The following AGBL5 variants were observed in gnomAD, a reference collection of about 807,000 sequenced individuals.
AGBL5 encodes the protein AGBL carboxypeptidase 5.
In AGBL5, 51 loss-of-function variants were observed where a neutral mutation model predicts 88.0. That is an observed-to-expected ratio of 0.58 (90% confidence interval 0.46 to 0.73). The LOEUF (loss-of-function observed/expected upper bound fraction) is 0.73, where lower values mean the gene tolerates loss of function less well. Ranked by LOEUF, AGBL5 falls within the 30% of genes least tolerant of loss-of-function variation. AGBL5 has a pLI of 0.00. For missense variants in AGBL5, 1,031 were observed against 1,162.2 expected, an observed-to-expected ratio of 0.89 and a Z score of 1.64; for synonymous variants, 446 against 438.8, an observed-to-expected ratio of 1.02 and a Z score of -0.21.
chr2:27,056,249 C>G (rs1668428700), intron 7 of AGBL5, 111 bp downstream of exon 7: 2 of 1,154,124 alleles, frequency 1.7e-6, no homozygotes, highest in Non-Finnish European at 2.4e-6. Context: ...GGAAGGAAGG[C>G]CTGTGTAGAC....
At chr2:27,058,664 G>C in intron 10 of AGBL5, 62 bp downstream of exon 10, 1 of 1,550,570 alleles carries the variant, frequency 6.4e-7, no homozygotes, top group South Asian at 1.1e-5. Flanking sequence ...CTAGAGCTAG[G>C]AGTTCCAAGG....
In AGBL5 at chr2:27,070,153, A is replaced by T. The variant is rs751700272; in HGVS notation, c.2551A>T (p.Ser851Cys). The change falls in exon 15 of 15, where the codon AGT becomes TGT. Residue 851 changes from serine (S) to cysteine (C), a missense_variant. Physicochemically the swap from Ser to Cys is moderately radical, Grantham distance 112 (BLOSUM62 -1). Transcript: ENST00000360131. ...SAPAFSPISC[S>C]LSDSPSWNCY... Reference sequence around the variant, plus strand: ...CCCTGCCTTTTCTCCTATATCCTGTAGTCTATCTGACTCCCCATCCTGGAA... The same window carrying T: ...CCCTGCCTTTTCTCCTATATCCTGTTGTCTATCTGACTCCCCATCCTGGAA... 8 of 1,613,940 alleles carry T rather than the reference A, an allele frequency of 5.0e-6. No homozygotes were observed. The highest frequency in any genetic ancestry group is 6.8e-6 in the Non-Finnish European group (8 of 1,180,012).
rs1275430287 is a variant in AGBL5, at chr2:27,067,630, T to C, written c.2226T>C (p.Asp742=). Residue 742 remains aspartate, a synonymous_variant, in exon 12 of 15, where the codon GAT becomes GAC. Transcript: ENST00000360131. ...AGCTGGGCTCCTGTCTACTGCCTGA[T>C]TCATTCAACATACCAGGTCTGTACC... is the stretch of plus-strand genomic sequence containing the variant. ...SHKLGSCLLP[D]SFNIPGSSCS... 5 of 1,613,072 alleles carry C rather than the reference T, an allele frequency of 3.1e-6. No homozygotes were observed. Among genetic ancestry groups the C allele is most frequent in the Non-Finnish European group, 4.2e-6 (5 of 1,179,204 alleles).
Position 27,054,634 on chromosome 2 carries a change from C to T in AGBL5, c.556C>T (p.Leu186=), listed in dbSNP as rs773858057. 1 of 1,613,374 alleles carries T rather than the reference C, an allele frequency of 6.2e-7. No homozygotes were observed. The highest frequency in any genetic ancestry group is 1.1e-5 in the South Asian group (1 of 90,960). ...TTAATTTTTTTTTCCCTGTAGCCCC[C>T]TGGATACCATCTATTACCATCGGGA... ...PENHPTHSSP[L]DTIYYHRELL... The change falls in exon 5 of 15, where the codon CTG becomes TTG. Residue 186 remains leucine (L), a synonymous_variant. Transcript: ENST00000360131.
In AGBL5 at chr2:27,057,367, G is replaced by A; in HGVS notation, c.1600G>A (p.Asp534Asn). ...AAACAGCATCCCTGCTGCCTGCCATGACAATGGGCGTGCCAGCCCCCCTCC... is the reference window on the plus strand; with the variant it reads ...AAACAGCATCCCTGCTGCCTGCCATAACAATGGGCGTGCCAGCCCCCCTCC... ...SVNSIPAACH[D>N]NGRASPPPPP... The change falls in exon 9 of 15, where the codon GAC (aspartate) becomes AAC (asparagine). Residue 534 changes from aspartate (D) to asparagine (N), a missense_variant. Asp to Asn is a conservative substitution (Grantham distance 23). Around this residue, in one of 2 missense-constraint regions of AGBL5, gnomAD observed 491 missense variants for 484.0 expected, o/e 1.01. Transcript: ENST00000360131. 1 of 1,614,086 alleles carries A rather than the reference G, an allele frequency of 6.2e-7. No individual in the cohort carries two copies.
chr2:27,069,560 CCT>C lies in AGBL5; in HGVS notation c.2356-12_2356-11del, dbSNP rs1669173489. 1.9e-6 allele frequency: 3 copies of C among 1,611,440 alleles called. No homozygotes were observed. The highest frequency in any genetic ancestry group is 3.4e-5 in the Admixed American group (2 of 59,650). ...AAGAATCCAGCCTCTTAGCGCAAACCCTGTCCACACAGGCTAGGCCCAGGTTG... is the reference window on the plus strand; with the variant it reads ...AAGAATCCAGCCTCTTAGCGCAAACCGTCCACACAGGCTAGGCCCAGGTTG... On this transcript the variant is annotated splice_polypyrimidine_tract_variant and intron_variant, in intron 13 of 14. Coordinates refer to ENST00000360131, the MANE Select transcript of AGBL5 (RefSeq NM_021831.6).
At chr2:27,056,485 C>A in intron 7 of AGBL5, 138 bp from the exon 8 acceptor site, 1 of 777,906 alleles carries the variant, frequency 1.3e-6, no homozygotes, top group Non-Finnish European at 2.0e-6. Flanking sequence ...ACTGAGAATT[C>A]AGGCAGCACT....
rs200804062 is a variant in AGBL5 at position 27,052,932 on chromosome 2, G to T, written c.-27G>T. 1 of 1,566,966 alleles carries T rather than the reference G, an allele frequency of 6.4e-7. No homozygotes were observed. The highest frequency in any genetic ancestry group is 1.8e-5 in the Admixed American group (1 of 57,120). On this transcript the variant is annotated 5_prime_UTR_variant, in exon 2 of 15. Coordinates refer to ENST00000360131, the MANE Select transcript of AGBL5 (RefSeq NM_021831.6). ...CCCCAGCTCTCAGGGCCAGAGCGGG[G>T]CAGGAGGATGCTTTCCCAGCCCCAC...
In AGBL5 at chr2:27,058,518, T is replaced by G. The variant is rs200845963; in HGVS notation, c.1790T>G (p.Val597Gly). 1 of 1,614,210 alleles carries G rather than the reference T, an allele frequency of 6.2e-7. No homozygotes were observed. Among genetic ancestry groups the G allele is most frequent in the Non-Finnish European group, 8.5e-7 (1 of 1,180,042 alleles). The change falls in exon 10 of 15, where the codon GTA becomes GGA. Residue 597 changes from valine to glycine, a missense_variant. Val to Gly is a moderately radical substitution (Grantham distance 109). Coordinates refer to ENST00000360131, the MANE Select transcript of AGBL5 (RefSeq NM_021831.6). ...CTACGGGCCTGGATGCTGAAACATG[T>G]ACGCAACAGCCGAGGCCTAAGCAGC... The part of the protein sequence containing the change: ...TNLRAWMLKH[V>G]RNSRGLSSTL...
rs1253225160 is a variant in AGBL5 at position 27,055,786 on chromosome 2, T to C, written c.1013T>C (p.Val338Ala). 1 of 1,614,086 alleles carries C rather than the reference T, an allele frequency of 6.2e-7. No individual in the cohort carries two copies. Among genetic ancestry groups the C allele is most frequent in the Non-Finnish European group, 8.5e-7 (1 of 1,180,052 alleles). ...AAAGCTGTGCTTCTCTACCACCATG[T>C]GCACTCTCGTCTGAACTCCCAGAGT... The part of the protein sequence containing the change: ...GAKAVLLYHH[V>A]HSRLNSQSSS... Residue 338 changes from valine (V) to alanine (A), a missense_variant, in exon 7 of 15, where the codon GTG becomes GCG. Transcript: ENST00000360131.
chr2:27,064,979 T>G (rs1044077170), intron 11 of AGBL5, among the ~76,000 whole-genome samples: 1 of 150,908 alleles, frequency 6.6e-6, no homozygotes, highest in Non-Finnish European at 1.5e-5. Context: ...GGTCTCGAAC[T>G]CCCGAACTCA....
Position 27,053,872 on chromosome 2 carries a change from C to T in AGBL5, c.388-24C>T. ...GTTCTGACAATGGCATGTTGCCCCT[C>T]CCTCTTCCTCCTCTGCTCTTCAGAT... On this transcript the variant is annotated intron_variant, in intron 3 of 14. Transcript: ENST00000360131. The surrounding 1 kb of genome is among the most constrained non-coding windows in gnomAD (Gnocchi z 4.9). The T allele has an allele frequency of 6.3e-7, 1 of 1,598,344 alleles. No homozygotes were observed. The highest frequency in any genetic ancestry group is 8.6e-7 in the Non-Finnish European group (1 of 1,169,404).
chr2:27,065,064 CT>C, intron 11 of AGBL5, among the ~76,000 whole-genome samples: 1 of 152,166 alleles, frequency 6.6e-6, no homozygotes, highest in Middle Eastern at 3.4e-3. Context: ...TGGTTTGGAC[CT>C]TTCAAAAGTA....
chr2:27,063,927 C>T (rs1668846785), intron 11 of AGBL5, among the ~76,000 whole-genome samples: 1 of 152,260 alleles, frequency 6.6e-6, no homozygotes, highest in South Asian at 2.1e-4. Context: ...GGAAGCAGAG[C>T]TGATCACATC....
Position 27,053,211 on chromosome 2 carries a change from A to G in AGBL5, c.215+38A>G. On this transcript the variant is annotated intron_variant, in intron 2 of 14. Transcript: ENST00000360131. The surrounding 1 kb of genome is among the most constrained non-coding windows in gnomAD (Gnocchi z 4.9). Reference sequence around the variant, plus strand: ...AAATGGAGGGTGGAAAAAGGCTCCAAACCCATGCTTCAGTTAGCCCTCTGA... The same window carrying G: ...AAATGGAGGGTGGAAAAAGGCTCCAGACCCATGCTTCAGTTAGCCCTCTGA... 2 of 1,549,376 alleles carry G rather than the reference A, an allele frequency of 1.3e-6. No homozygotes were observed.
rs775550831 is a variant in AGBL5, at chr2:27,055,839, C to T, written c.1066C>T (p.Leu356Phe). ...CTCTGAGCACCAGCCCAGTTCCTGT[C>T]TCCCTCCTGATGCTCCTGTTTCTGA... ...SSSEHQPSSC[L>F]PPDAPVSDLE... The change falls in exon 7 of 15, where the codon CTC becomes TTC. Residue 356 changes from leucine (L) to phenylalanine (F), a missense_variant. Around this residue, in one of 2 missense-constraint regions of AGBL5, gnomAD observed 540 missense variants for 678.2 expected, o/e 0.80. Coordinates refer to ENST00000360131, the MANE Select transcript of AGBL5 (RefSeq NM_021831.6). 1.2e-6 allele frequency: 2 copies of T among 1,614,214 alleles called. No homozygotes were observed. The highest frequency in any genetic ancestry group is 1.1e-5 in the South Asian group (1 of 91,082).
intron 9 of AGBL5, 47 bp from the exon 10 acceptor site, chr2:27,058,353 C>T (rs1668541822): frequency 6.2e-7 from 1 of 1,607,906 alleles, no homozygotes; most frequent in Middle Eastern, 2.2e-4. Context: ...AGGTAGCAGC[C>T]TGGATGGGAG....
At chr2:27,058,654 C>T (rs562883287) in intron 10 of AGBL5, 52 bp downstream of exon 10, 4 of 1,585,904 alleles carry the variant, frequency 2.5e-6, no homozygotes, top group African/African-American at 1.3e-5. Context: ...GGACAGGGCT[C>T]TAGAGCTAGG....
In AGBL5 at chr2:27,053,420, C is replaced by T. The variant is rs548014160; in HGVS notation, c.234C>T (p.Ser78=). The part of the protein sequence containing the change: ...ENGNRSWFYF[S]VRGGMPGKLI... ...TCCTCAGGTCATGGTTCTACTTCAG[C>T]GTCCGGGGAGGAATGCCAGGAAAAC... The change falls in exon 3 of 15, where the codon AGC becomes AGT. Residue 78 remains serine (S), a synonymous_variant. Transcript: ENST00000360131. This position sits in a 1 kb window ranked among gnomAD's most constrained non-coding sequence, Gnocchi z 4.9. 69 of 1,613,914 alleles carry T rather than the reference C, an allele frequency of 4.3e-5. No individual in the cohort carries two copies. Among genetic ancestry groups the T allele is most frequent in the Non-Finnish European group, 5.4e-5 (64 of 1,179,986 alleles).
Sources: gnomAD v4.1 joint callset for allele counts (sites outside exome capture counted in the v4.1 genomes callset) on GRCh38, gnomAD v4.1.1 for gene constraint, gnomAD v4.1.1 regional missense constraint, Gnocchi (gnomAD v3.1) non-coding constraint, MANE v1.5 for transcripts, NCBI Gene and HGNC (gene_info 2026-07-23, HGNC 2026-07-21) for gene names.